WNT7B: variants seen among roughly 807,000 people sequenced by gnomAD.
WNT7B encodes protein Wnt-7b.
A neutral mutation model predicts 38.2 loss-of-function variants in WNT7B; 19 were observed. The ratio of observed to expected loss-of-function variants is 0.50; its 90% confidence interval spans 0.35 to 0.73. The LOEUF (loss-of-function observed/expected upper bound fraction) is 0.73, where lower values mean the gene tolerates loss of function less well. Among genes scored for constraint, WNT7B ranks in the 30% least tolerant of loss-of-function variants. The pLI is 0.01. For synonymous variants in WNT7B, 243 were observed against 209.3 expected, an observed-to-expected ratio of 1.16 and a Z score of -1.39; for missense variants, 423 against 507.9, an observed-to-expected ratio of 0.83 and a Z score of 1.61.
At chr22:45,928,491 G>A (rs1333960506) in intron 3 of WNT7B, among the ~76,000 whole-genome samples, 1 of 152,004 alleles carries the variant, frequency 6.6e-6, no homozygotes, top group African/African-American at 2.4e-5. Context: ...GGGTCAGCCA[G>A]GGCCCCACCG....
chr22:45,949,136 G>C (rs1356752468), intron 2 of WNT7B, among the ~76,000 whole-genome samples: 1 of 152,078 alleles, frequency 6.6e-6, no homozygotes, highest in Non-Finnish European at 1.5e-5. Flanking sequence ...CGGCCCAAAA[G>C]TCACTTTTTA....
intron 3 of WNT7B, among the ~76,000 whole-genome samples, chr22:45,924,944 G>C (rs1341112363): frequency 6.8e-6 from 1 of 146,848 alleles, no homozygotes; most frequent in East Asian, 2.1e-4. Flanking sequence ...GGGCCTGAAG[G>C]CTCATCAGGT....
rs1447274053 is a variant in WNT7B at position 45,923,350 on chromosome 22, G to A, written c.571-15C>T. On this transcript the variant is annotated splice_polypyrimidine_tract_variant and intron_variant, in intron 3 of 3. Coordinates refer to ENST00000339464, the MANE Select transcript of WNT7B (RefSeq NM_058238.3). ...TCCTCTAGAACCTGCGGGTGACAGG[G>A]AAGCTGCTCGGCACGGCATGGCCCA... The A allele has an allele frequency of 1.3e-6, 2 of 1,586,276 alleles. No individual in the cohort carries two copies. Among genetic ancestry groups the A allele is most frequent in the African/African-American group, 2.7e-5 (2 of 74,738 alleles).
At chr22:45,925,339 C>CAAAG (rs1931051124) in intron 3 of WNT7B, 1 of 985,200 alleles carries the variant, frequency 1.0e-6, no homozygotes, top group Non-Finnish European at 1.2e-6. Context: ...TGCCCTTGGA[C>CAAAG]AAAGACTGGA....
chr22:45,956,209 CTG>C (rs1932057575), intron 1 of WNT7B, among the ~76,000 whole-genome samples: 1 of 152,222 alleles, frequency 6.6e-6, no homozygotes, highest in Non-Finnish European at 1.5e-5. Context: ...AGTTTCTTAA[CTG>C]TGTCTCAGTT....
intron 2 of WNT7B, among the ~76,000 whole-genome samples, chr22:45,937,143 T>A (rs1931533836): frequency 6.6e-6 from 1 of 152,106 alleles, no homozygotes; most frequent in African/African-American, 2.4e-5. Flanking sequence ...GGCTCCTCCA[T>A]CCCCAGCAAG....
At chr22:45,963,930 C>G (rs1932252619) in intron 1 of WNT7B, among the ~76,000 whole-genome samples, 1 of 152,066 alleles carries the variant, frequency 6.6e-6, no homozygotes, top group Non-Finnish European at 1.5e-5. Context: ...CAATGGGGCG[C>G]CAGGTGACCC....
chr22:45,941,215 A>T (rs1271748711), intron 2 of WNT7B, among the ~76,000 whole-genome samples: 1 of 152,162 alleles, frequency 6.6e-6, no homozygotes, highest in Non-Finnish European at 1.5e-5. Context: ...TTAGGGAGGA[A>T]AGAGTGCAGA....
At position 45,965,805 on chromosome 22, in the gene WNT7B, CG is replaced by C. The variant is rs755189305; in HGVS notation, c.71+10878del. ...ACCTTGAGACCCTCGCTCAGGGCCC[CG>C]GGGACTCTTGGTCAACACACAGTTC... On this transcript the variant is annotated intron_variant, in intron 1 of 3. Transcript: ENST00000339464. This position sits in a 1 kb window ranked among gnomAD's most constrained non-coding sequence, Gnocchi z 6.5. Among the ~76,000 whole-genome samples the C allele has an allele frequency of 2.6e-5, 4 of 152,210 alleles. No individual in the cohort carries two copies. The highest frequency in any genetic ancestry group is 4.4e-5 in the Non-Finnish European group (3 of 68,028).
rs149418642 is a variant in WNT7B, at chr22:45,949,300, C to T, written c.298+620G>A. 8.8e-3 allele frequency among the ~76,000 whole-genome samples: 1,335 copies of T among 152,192 alleles called. 13 individuals are homozygous for T. The highest frequency in any genetic ancestry group is 0.031 in the African/African-American group (1,280 of 41,502). On this transcript the variant is annotated intron_variant, in intron 2 of 3. Coordinates refer to ENST00000339464, the MANE Select transcript of WNT7B (RefSeq NM_058238.3). ...CCCACCTGGCAGGTTTCGGTGATTG[C>T]TTGGTGTCCATCAAACCACTCCCCA...
intron 2 of WNT7B, chr22:45,935,902 C>T (rs533404239): frequency 3.0e-6 from 3 of 985,054 alleles, no homozygotes; most frequent in Admixed American, 6.2e-5. Flanking sequence ...AGCACGGATG[C>T]TCTGTTTGGG....
At chr22:45,953,155 C>T (rs541710154) in intron 1 of WNT7B, among the ~76,000 whole-genome samples, 1 of 56,260 alleles carries the variant, frequency 1.8e-5, no homozygotes, top group Admixed American at 1.9e-4. Flanking sequence ...TCACAGCCAC[C>T]GTGTCCGTGC....
Position 45,976,577 on chromosome 22 carries a change from C to T in WNT7B, c.71+107G>A. On this transcript the variant is annotated intron_variant, in intron 1 of 3. Coordinates refer to ENST00000339464, the MANE Select transcript of WNT7B (RefSeq NM_058238.3). This position sits in a 1 kb window ranked among gnomAD's most constrained non-coding sequence, Gnocchi z 8.5. Reference sequence around the variant, plus strand: ...CGGGCCAGCCCCGGAGCCCAGAGAGCTGCAGTGGCCCCCTCCAGTCCCCAC... The same window carrying T: ...CGGGCCAGCCCCGGAGCCCAGAGAGTTGCAGTGGCCCCCTCCAGTCCCCAC... 2 of 1,228,908 alleles carry T rather than the reference C, an allele frequency of 1.6e-6. No individual in the cohort carries two copies. Among genetic ancestry groups the T allele is most frequent in the Non-Finnish European group, 2.3e-6 (2 of 864,560 alleles). 76.1% of individuals were successfully genotyped at this position (1,228,908 alleles called of 1,614,324 possible). A position where few individuals can be genotyped will look rare whatever the true frequency, so the allele number is the denominator to read the frequency against.
chr22:45,932,358 T>G (rs1304403001), intron 2 of WNT7B, among the ~76,000 whole-genome samples: 1 of 151,706 alleles, frequency 6.6e-6, no homozygotes, highest in African/African-American at 2.4e-5. Flanking sequence ...CATACCCAAA[T>G]CCCAAGGACC....
intron 3 of WNT7B, among the ~76,000 whole-genome samples, chr22:45,929,700 CTTT>C (rs1931249909): frequency 1.4e-5 from 2 of 140,516 alleles, no homozygotes; most frequent in African/African-American, 5.7e-5. Context: ...ATCCACCCAT[CTTT>C]CCATCCACCC....
rs1334605873 is a variant in WNT7B at position 45,975,549 on chromosome 22, A to G, written c.71+1135T>C. The G allele has an allele frequency of 2.0e-5, 14 of 716,846 alleles. No individual in the cohort carries two copies. In the Admixed American group the frequency reaches 2.8e-4, roughly 14 times the overall value. The allele number at this position is 716,846 out of a possible 1,614,324, so 44.4% of individuals were successfully genotyped here. A position where few individuals can be genotyped will look rare whatever the true frequency, so the allele number is the denominator to read the frequency against. ...CTTGGGCCTCAGTTTCTCCACCTGT[A>G]AAATGGCGGGGCAGACATGGGATGG... On this transcript the variant is annotated intron_variant, in intron 1 of 3. Coordinates refer to ENST00000339464, the MANE Select transcript of WNT7B (RefSeq NM_058238.3). The surrounding 1 kb of genome is among the most constrained non-coding windows in gnomAD (Gnocchi z 6.6).
rs1263881526 is a variant in WNT7B at position 45,966,819 on chromosome 22, C to T, written c.71+9865G>A. On this transcript the variant is annotated intron_variant, in intron 1 of 3. Transcript: ENST00000339464. This position sits in a 1 kb window ranked among gnomAD's most constrained non-coding sequence, Gnocchi z 4.2. ...CTCTACTACTGAGACTGTGGGATGG[C>T]CTCTGGAAAGGCCAACCACTCCACC... 6.6e-6 allele frequency among the ~76,000 whole-genome samples: 1 copy of T among 152,218 alleles called. No individual in the cohort carries two copies. The highest frequency in any genetic ancestry group is 2.4e-5 in the African/African-American group (1 of 41,454).
intron 2 of WNT7B, among the ~76,000 whole-genome samples, chr22:45,944,199 C>G (rs28590593): frequency 0.022 from 3,427 of 152,336 alleles, 153 homozygotes; most frequent in African/African-American, 0.079. Context: ...TTGTCCGTCT[C>G]TCAGGGCTCC....
chr22:45,956,555 C>A lies in WNT7B; in HGVS notation c.72-6409G>T, dbSNP rs1324785520. ...CCACGCCCACATCAGCCCTTCCCTG[C>A]AACCCAGCAATCTCTCTCCTGTACC... On this transcript the variant is annotated intron_variant, in intron 1 of 3. Transcript: ENST00000339464. Among the ~76,000 whole-genome samples the A allele has an allele frequency of 2.6e-5, 4 of 152,226 alleles. No homozygotes were observed. The East Asian group carries it at 5.8e-4, about 22-fold the overall frequency.
Sources: gnomAD v4.1 joint callset for allele counts (sites outside exome capture counted in the v4.1 genomes callset) on GRCh38, gnomAD v4.1.1 for gene constraint, Gnocchi (gnomAD v3.1) non-coding constraint, MANE v1.5 for transcripts, NCBI Gene and HGNC (gene_info 2026-07-23, HGNC 2026-07-21) for gene names.